TMEM132D: variants seen among roughly 807,000 people sequenced by gnomAD.
The protein encoded by TMEM132D is mature OL transmembrane protein.
A neutral mutation model predicts 62.3 loss-of-function variants in TMEM132D; 21 were observed. The observed-to-expected ratio is 0.34, with a 90% CI of 0.24 to 0.49. The LOEUF is 0.49. TMEM132D is among the 20% of genes least tolerant of loss of function. TMEM132D has a pLI of 0.99. For synonymous variants in TMEM132D, 621 were observed against 575.6 expected, an observed-to-expected ratio of 1.08 and a Z score of -1.13; for missense variants, 1,346 against 1,402.8, an observed-to-expected ratio of 0.96 and a Z score of 0.65.
In TMEM132D at chr12:129,700,607, G is replaced by A. The variant is rs200983727; in HGVS notation, c.171C>T (p.Asp57=). The A allele has an allele frequency of 5.8e-5, 94 of 1,613,980 alleles. No homozygotes were observed. In the Admixed American group the frequency reaches 1.4e-3, roughly 25 times the overall value. The part of the protein sequence containing the change: ...LPVTYHINNA[D]VSFFLKEANQ... ...TGGCCTCCTTCAGGAAGAAGGAGACGTCCGCGTTGTTGATGTGGTAGGTCA... is the reference window on the plus strand; with the variant it reads ...TGGCCTCCTTCAGGAAGAAGGAGACATCCGCGTTGTTGATGTGGTAGGTCA... Residue 57 remains aspartate, a synonymous_variant, in exon 2 of 9, where the codon GAC becomes GAT. Transcript: ENST00000422113.
intron 2 of TMEM132D, among the ~76,000 whole-genome samples, chr12:129,633,935 G>A (rs949555463): frequency 5.3e-5 from 8 of 151,934 alleles, no homozygotes; most frequent in African/African-American, 1.9e-4. Flanking sequence ...TAAGTTAATA[G>A]AACAATATTA....
intron 5 of TMEM132D, among the ~76,000 whole-genome samples, chr12:129,097,657 T>A (rs1397651646): frequency 6.6e-6 from 1 of 152,206 alleles, no homozygotes; most frequent in East Asian, 1.9e-4. Context: ...AATGTTTGTT[T>A]GCAGATTTTT....
intron 3 of TMEM132D, among the ~76,000 whole-genome samples, chr12:129,448,265 G>T (rs561148088): frequency 6.6e-6 from 1 of 152,052 alleles, no homozygotes; most frequent in Non-Finnish European, 1.5e-5. Flanking sequence ...GTGCAGGTTC[G>T]TTACACAGGT....
rs144421106 is a variant in TMEM132D, at chr12:129,829,722, G to C, written c.79+73539C>G. Among the ~76,000 whole-genome samples, 54 of 152,262 alleles carry C rather than the reference G, an allele frequency of 3.5e-4. No homozygotes were observed. In the East Asian group the frequency reaches 9.8e-3, roughly 28 times the overall value. Reference sequence around the variant, plus strand: ...GCTTCACTGCAGAGCACAGGAGATGGGGGAGCTTTTGAAGCATCAACCTTG... The same window carrying C: ...GCTTCACTGCAGAGCACAGGAGATGCGGGAGCTTTTGAAGCATCAACCTTG... On this transcript the variant is annotated intron_variant, in intron 1 of 8. Coordinates refer to ENST00000422113, the MANE Select transcript of TMEM132D (RefSeq NM_133448.3).
intron 2 of TMEM132D, among the ~76,000 whole-genome samples, chr12:129,618,073 C>A (rs1379704976): frequency 6.6e-6 from 1 of 152,084 alleles, no homozygotes; most frequent in Non-Finnish European, 1.5e-5. Flanking sequence ...GTTATGAGGA[C>A]CAGAGACAAC....
At chr12:129,698,476 T>C (rs920218358) in intron 2 of TMEM132D, among the ~76,000 whole-genome samples, 1 of 136,234 alleles carries the variant, frequency 7.3e-6, no homozygotes, top group Non-Finnish European at 1.6e-5. Context: ...AAAACGGTGA[T>C]TTATTTTCTT....
At chr12:129,711,852 G>A (rs1868382593) in intron 1 of TMEM132D, among the ~76,000 whole-genome samples, 1 of 149,186 alleles carries the variant, frequency 6.7e-6, no homozygotes, top group African/African-American at 2.4e-5. Context: ...AAATCCATGT[G>A]TATAATGAAT....
chr12:129,166,245 G>A (rs1282996944), intron 5 of TMEM132D, among the ~76,000 whole-genome samples: 3 of 151,902 alleles, frequency 2.0e-5, no homozygotes, highest in Middle Eastern at 3.4e-3. Flanking sequence ...ACTCTCATTC[G>A]ACTGAGTGTT....
chr12:129,285,316 C>T (rs1881260717), intron 4 of TMEM132D, among the ~76,000 whole-genome samples: 1 of 150,716 alleles, frequency 6.6e-6, no homozygotes, highest in Non-Finnish European at 1.5e-5. Context: ...GTCAGGAATT[C>T]AAGACCAGCC....
intron 1 of TMEM132D, among the ~76,000 whole-genome samples, chr12:129,784,203 G>A (rs964019992): frequency 6.6e-5 from 10 of 152,184 alleles, no homozygotes; most frequent in African/African-American, 1.7e-4. Context: ...ACCACGAGCT[G>A]GCATTTAGGG....
At chr12:129,252,575 G>A (rs11060220) in intron 4 of TMEM132D, among the ~76,000 whole-genome samples, 2,202 of 152,218 alleles carry the variant, frequency 0.014, 29 homozygotes, top group Non-Finnish European at 0.02. Flanking sequence ...AAATAGGAAC[G>A]CTTTTACACT....
chr12:129,786,494 C>T (rs142949092), intron 1 of TMEM132D, among the ~76,000 whole-genome samples: 3 of 152,328 alleles, frequency 2.0e-5, no homozygotes, highest in East Asian at 1.9e-4. Flanking sequence ...GGAGCGAAGA[C>T]GAACCTTCAT....
intron 5 of TMEM132D, among the ~76,000 whole-genome samples, chr12:129,194,454 C>T (rs1014617921): frequency 6.6e-6 from 1 of 152,072 alleles, no homozygotes; most frequent in Non-Finnish European, 1.5e-5. Flanking sequence ...TGGGGGTCTA[C>T]GTGAGGGTGG....
At chr12:129,522,235 C>A (rs1444751894) in intron 3 of TMEM132D, among the ~76,000 whole-genome samples, 1 of 152,056 alleles carries the variant, frequency 6.6e-6, no homozygotes, top group Non-Finnish European at 1.5e-5. Context: ...TGATAGAAAC[C>A]AAACTGTATA....
intron 3 of TMEM132D, among the ~76,000 whole-genome samples, chr12:129,346,881 G>A (rs569888707): frequency 8.1e-4 from 123 of 152,232 alleles, no homozygotes; most frequent in African/African-American, 2.9e-3. Context: ...AAATCAATAT[G>A]CAAGTATCAC....
intron 3 of TMEM132D, among the ~76,000 whole-genome samples, chr12:129,456,843 C>T (rs1165723046): frequency 2.6e-5 from 4 of 152,166 alleles, no homozygotes; most frequent in Non-Finnish European, 5.9e-5. Flanking sequence ...AGGATATTAA[C>T]AGGTAAAAGA....
At chr12:129,543,761 T>C (rs1252580696) in intron 2 of TMEM132D, among the ~76,000 whole-genome samples, 1 of 152,216 alleles carries the variant, frequency 6.6e-6, no homozygotes, top group African/African-American at 2.4e-5. Context: ...TCCACACAAA[T>C]ATATACATAA....
intron 1 of TMEM132D, among the ~76,000 whole-genome samples, chr12:129,864,275 C>T (rs1411877483): frequency 6.6e-6 from 1 of 152,178 alleles, no homozygotes; most frequent in Non-Finnish European, 1.5e-5. Context: ...TTCCAGACGT[C>T]AGCCTTGGAA....
chr12:129,389,583 A>C (rs1461967074), intron 3 of TMEM132D, among the ~76,000 whole-genome samples: 5 of 150,530 alleles, frequency 3.3e-5, no homozygotes, highest in Non-Finnish European at 7.4e-5. Flanking sequence ...CAATACCAAC[A>C]CTAACACTTA....
Sources: allele counts gnomAD v4.1 joint callset (sites outside exome capture counted in the v4.1 genomes callset), GRCh38; gene constraint gnomAD v4.1.1; transcripts MANE v1.5; gene names NCBI Gene and HGNC (gene_info 2026-07-23, HGNC 2026-07-21).